The following FHIT variants were observed in gnomAD, a reference collection of about 807,000 sequenced individuals.
The protein encoded by FHIT is bis(5'-adenosyl)-triphosphatase.
FHIT carries 19 observed loss-of-function variants against 17.9 expected under a neutral mutation model. That is an observed-to-expected ratio of 1.06 (90% CI 0.74 to 1.56). The LOEUF (loss-of-function observed/expected upper bound fraction) is 1.56, where lower values mean the gene tolerates loss of function less well. Among genes scored for constraint, FHIT ranks in the 40% most tolerant of loss-of-function variants. FHIT has a pLI of 0.00. For missense variants in FHIT, 248 were observed against 189.2 expected, an observed-to-expected ratio of 1.31 and a Z score of -1.82; for synonymous variants, 81 against 69.7, an observed-to-expected ratio of 1.16 and a Z score of -0.81.
chr3:60,991,582 A>T (rs755241610), intron 3 of FHIT, among the ~76,000 whole-genome samples: 4 of 152,182 alleles, frequency 2.6e-5, no homozygotes, highest in Non-Finnish European at 5.9e-5. Context: ...GTGATTAAGA[A>T]CATAGTGCTA....
chr3:61,205,191 T>A (rs1486395809), intron 1 of FHIT, among the ~76,000 whole-genome samples: 4 of 152,110 alleles, frequency 2.6e-5, no homozygotes, highest in Admixed American at 2.0e-4. Context: ...ATGGTGTATA[T>A]GTGCCACATT....
chr3:60,926,817 TAAA>T lies in FHIT; in HGVS notation c.-110-104809_-110-104807del, dbSNP rs1707644625. 4.6e-5 allele frequency among the ~76,000 whole-genome samples: 7 copies of T among 151,880 alleles called. No individual in the cohort carries two copies. The South Asian group carries it at 1.5e-3, about 32-fold the overall frequency. ...ATTGATAGACTGCTAGCAAGACTAA[TAAA>T]GAAGAAGAGAGAGAAGAATCAAATA... On this transcript the variant is annotated intron_variant, in intron 3 of 9. Coordinates refer to ENST00000492590, the MANE Select transcript of FHIT (RefSeq NM_002012.4).
intron 5 of FHIT, among the ~76,000 whole-genome samples, chr3:60,336,166 T>C (rs1317116446): frequency 6.6e-6 from 1 of 152,190 alleles, no homozygotes; most frequent in Non-Finnish European, 1.5e-5. Context: ...TGCACTCCTA[T>C]GTAATCTGAA....
intron 4 of FHIT, among the ~76,000 whole-genome samples, chr3:60,738,965 A>T (rs2042189078): frequency 6.6e-6 from 1 of 151,940 alleles, no homozygotes; most frequent in African/African-American, 2.4e-5. Context: ...AGACAAGGAG[A>T]AGAGGAGAAA....
chr3:60,666,294 A>G (rs1413985371), intron 4 of FHIT, among the ~76,000 whole-genome samples: 1 of 152,130 alleles, frequency 6.6e-6, no homozygotes, highest in Admixed American at 6.5e-5. Flanking sequence ...CTAGCAACAA[A>G]TTCATTTACT....
intron 4 of FHIT, among the ~76,000 whole-genome samples, chr3:60,539,435 A>G (rs925495727): frequency 2.0e-5 from 3 of 152,214 alleles, no homozygotes; most frequent in African/African-American, 4.8e-5. Flanking sequence ...CAGCCATCCC[A>G]TTACTGGGTA....
chr3:60,038,209 T>A (rs1342369618), intron 5 of FHIT, among the ~76,000 whole-genome samples: 1 of 152,198 alleles, frequency 6.6e-6, no homozygotes, highest in Non-Finnish European at 1.5e-5. Context: ...ACTCTTACAT[T>A]TTTGAAAGGG....
chr3:60,321,894 T>C (rs1025423761), intron 5 of FHIT, among the ~76,000 whole-genome samples: 6 of 152,104 alleles, frequency 3.9e-5, no homozygotes, highest in African/African-American at 1.4e-4. Flanking sequence ...TTTAAGAGGG[T>C]GCTAATCCCA....
intron 8 of FHIT, among the ~76,000 whole-genome samples, chr3:59,784,368 G>T (rs1390239914): frequency 6.6e-6 from 1 of 152,164 alleles, no homozygotes; most frequent in African/African-American, 2.4e-5. Context: ...AAATCAGATG[G>T]TGCTAGTCAG....
chr3:60,590,952 G>C (rs1273440469), intron 4 of FHIT, among the ~76,000 whole-genome samples: 1 of 151,978 alleles, frequency 6.6e-6, no homozygotes, highest in African/African-American at 2.4e-5. Flanking sequence ...ATTCATCCAG[G>C]GGGGAAAAAT....
intron 4 of FHIT, among the ~76,000 whole-genome samples, chr3:60,682,303 C>T (rs527423035): frequency 1.3e-5 from 2 of 152,114 alleles, no homozygotes. Context: ...TGAAACAGCC[C>T]TCTGTTGGAA....
At chr3:59,819,929 T>G (rs899861150) in intron 8 of FHIT, among the ~76,000 whole-genome samples, 1 of 152,178 alleles carries the variant, frequency 6.6e-6, no homozygotes, top group Non-Finnish European at 1.5e-5. Context: ...CCTTCCACCA[T>G]GTGAGGACAC....
At chr3:59,867,844 G>A (rs1275177165) in intron 8 of FHIT, among the ~76,000 whole-genome samples, 2 of 151,902 alleles carry the variant, frequency 1.3e-5, no homozygotes, top group East Asian at 3.9e-4. Context: ...CAAGTCATAA[G>A]ATAAACCTAT....
At chr3:60,598,296 A>C (rs2038334613) in intron 4 of FHIT, among the ~76,000 whole-genome samples, 1 of 152,202 alleles carries the variant, frequency 6.6e-6, no homozygotes, top group Non-Finnish European at 1.5e-5. Flanking sequence ...GGTAGCGATC[A>C]AGCAAAATGT....
At chr3:59,849,040 A>G (rs569946566) in intron 8 of FHIT, among the ~76,000 whole-genome samples, 53 of 152,330 alleles carry the variant, frequency 3.5e-4, no homozygotes, top group African/African-American at 1.3e-3. Flanking sequence ...ATCCCTTTAT[A>G]GGCAATCAAG....
At chr3:60,342,351 T>G (rs148586176) in intron 5 of FHIT, among the ~76,000 whole-genome samples, 199 of 152,336 alleles carry the variant, frequency 1.3e-3, no homozygotes, top group African/African-American at 4.6e-3. Context: ...TTCCATAGTG[T>G]GGCAGATATA....
chr3:60,211,068 TAAA>T (rs10663373), intron 5 of FHIT, among the ~76,000 whole-genome samples: 5 of 84,462 alleles, frequency 5.9e-5, no homozygotes, highest in African/African-American at 9.3e-5. Context: ...TATAAAACCG[TAAA>T]AAAAAAAAAA....
chr3:60,354,903 T>A (rs1699579167), intron 5 of FHIT, among the ~76,000 whole-genome samples: 1 of 152,186 alleles, frequency 6.6e-6, no homozygotes. Flanking sequence ...GTTAGTCCTA[T>A]GGACCTTTTC....
intron 4 of FHIT, among the ~76,000 whole-genome samples, chr3:60,655,409 T>A (rs1200594120): frequency 6.6e-6 from 1 of 152,238 alleles, no homozygotes; most frequent in African/African-American, 2.4e-5. Flanking sequence ...TGAGCCTGTA[T>A]GAAATGCTGT....
Sources: allele counts gnomAD v4.1 joint callset (sites outside exome capture counted in the v4.1 genomes callset), GRCh38; gene constraint gnomAD v4.1.1; transcripts MANE v1.5; gene names NCBI Gene and HGNC (gene_info 2026-07-23, HGNC 2026-07-21).